The following ZSWIM9 variants were observed in gnomAD, a reference collection of about 807,000 sequenced individuals.
ZSWIM9 encodes the protein zinc finger SWIM-type containing 9.
Under a neutral mutation model 25.0 loss-of-function variants are expected in ZSWIM9, and 11 were observed. That is an observed-to-expected ratio of 0.44 (90% confidence interval 0.28 to 0.73). The LOEUF is 0.73. Among genes scored for constraint, ZSWIM9 ranks in the 30% least tolerant of loss-of-function variants. The pLI is 0.16. For synonymous variants in ZSWIM9, 562 were observed against 582.1 expected (o/e 0.97, Z 0.50); for missense variants, 1,070 against 1,296.5 (o/e 0.83, Z 2.68).
intron 3 of ZSWIM9, among the ~76,000 whole-genome samples, chr19:48,183,423 G>A (rs1393556861): frequency 2.6e-5 from 4 of 151,940 alleles, no homozygotes; most frequent in Admixed American, 6.6e-5. Flanking sequence ...CACCACGCCC[G>A]GCCTGAATTT....
chr19:48,186,386 C>T (rs896252260), intron 3 of ZSWIM9, among the ~76,000 whole-genome samples: 1 of 152,050 alleles, frequency 6.6e-6, no homozygotes, highest in Non-Finnish European at 1.5e-5. Flanking sequence ...CTATAACCTC[C>T]ACCTCCTGGG....
intron 3 of ZSWIM9, chr19:48,187,591 A>ATAATATTATATATATTATATATTATAT (rs1568579931): frequency 2.4e-5 from 1 of 40,896 alleles, no homozygotes; most frequent in Non-Finnish European, 6.0e-5. Context: ...TATATTATAT[A>ATAATATTATATATATTATATATTATAT]ATATAATATT....
chr19:48,197,149 G>T lies in ZSWIM9; in HGVS notation c.*322G>T. 1 of 695,020 alleles carries T rather than the reference G, an allele frequency of 1.4e-6. No individual in the cohort carries two copies. The highest frequency in any genetic ancestry group is 1.5e-5 in the South Asian group (1 of 66,606). 43.1% of individuals were successfully genotyped at this position (695,020 alleles called of 1,614,324 possible). A position where few individuals can be genotyped will look rare whatever the true frequency, so the allele number is the denominator to read the frequency against. ...AGAAGGAAGGAAAGGGGCAGAGCTG[G>T]GGGGAGGGGGAGGAAGCGATCATAT... is the stretch of plus-strand genomic sequence containing the variant. On this transcript the variant is annotated 3_prime_UTR_variant, in exon 4 of 4. Coordinates refer to ENST00000614654, the MANE Select transcript of ZSWIM9 (RefSeq NM_199341.4).
At chr19:48,183,910 G>A (rs1470089480) in intron 3 of ZSWIM9, among the ~76,000 whole-genome samples, 1 of 151,050 alleles carries the variant, frequency 6.6e-6, no homozygotes, top group Non-Finnish European at 1.5e-5. Flanking sequence ...CTCCCAAAGT[G>A]CTGGGATTAC....
intron 3 of ZSWIM9, among the ~76,000 whole-genome samples, chr19:48,185,426 T>C (rs12460905): frequency 0.35 from 53,623 of 152,090 alleles, 9,846 homozygotes; most frequent in East Asian, 0.56. Flanking sequence ...TGAGCCACCG[T>C]GCCCAGCCCC....
At position 48,195,637 on chromosome 19, in the gene ZSWIM9, G is replaced by A. The variant is rs538768431; in HGVS notation, c.1573G>A (p.Gly525Arg). 8 of 1,424,858 alleles carry A rather than the reference G, an allele frequency of 5.6e-6. No individual in the cohort carries two copies. The allele number at this position is 1,424,858 out of a possible 1,614,324, so 88.3% of individuals were successfully genotyped here. A position where few individuals can be genotyped will look rare whatever the true frequency, so the allele number is the denominator to read the frequency against. Reference protein sequence around the residue: ...GRALQIRDWRGGRLENQKPRG... With the variant: ...GRALQIRDWRRGRLENQKPRG... ...GGCACTGCAGATCAGAGATTGGAGA[G>A]GGGGTCGGTTGGAGAATCAGAAGCC... Residue 525 changes from glycine to arginine, a missense_variant, in exon 4 of 4, where the codon GGG becomes AGG. Physicochemically the swap from Gly to Arg is moderately radical, Grantham distance 125 (BLOSUM62 -2). This residue lies in a region of ZSWIM9 where 583 missense variants were observed against 624.7 expected (regional missense o/e 0.93). Coordinates refer to ENST00000614654, the MANE Select transcript of ZSWIM9 (RefSeq NM_199341.4). This position sits in a 1 kb window ranked among gnomAD's most constrained non-coding sequence, Gnocchi z 5.8.
chr19:48,182,608 C>T lies in ZSWIM9; in HGVS notation c.429C>T (p.Asn143=), dbSNP rs768042217. ...TCCGCCCGGGCCACCTGCTGGCCAACGCCTGCCTGCCGGTGCGCACCACCA... is the reference window on the plus strand; with the variant it reads ...TCCGCCCGGGCCACCTGCTGGCCAATGCCTGCCTGCCGGTGCGCACCACCA... ...YYFRPGHLLA[N]ACLPVRTTNK... is the part of the protein sequence containing the mutation. Residue 143 remains asparagine (N), a synonymous_variant, in exon 3 of 4, where the codon AAC becomes AAT. Transcript: ENST00000614654. The surrounding 1 kb of genome is among the most constrained non-coding windows in gnomAD (Gnocchi z 4.6). 167 of 1,535,870 alleles carry T rather than the reference C, an allele frequency of 1.1e-4. No homozygotes were observed. In the Admixed American group the frequency reaches 2.5e-3, roughly 23 times the overall value.
intron 3 of ZSWIM9, among the ~76,000 whole-genome samples, chr19:48,183,287 C>T (rs1172801278): frequency 1.3e-5 from 2 of 151,978 alleles, no homozygotes; most frequent in African/African-American, 2.4e-5. Flanking sequence ...GCCACCACGC[C>T]GGCTAATTTT....
chr19:48,182,784 G>C lies in ZSWIM9; in HGVS notation c.588+17G>C. Reference sequence around the variant, plus strand: ...GAGGCCAAGGTGGGGTCTCGAGAGAGGCAGGCCGGGGGAGGGGGCGGGGGA... The same window carrying C: ...GAGGCCAAGGTGGGGTCTCGAGAGACGCAGGCCGGGGGAGGGGGCGGGGGA... On this transcript the variant is annotated intron_variant, in intron 3 of 3. Transcript: ENST00000614654. The surrounding 1 kb of genome is among the most constrained non-coding windows in gnomAD (Gnocchi z 4.6). The C allele has an allele frequency of 1.3e-6, 2 of 1,510,202 alleles. No individual in the cohort carries two copies. Among genetic ancestry groups the C allele is most frequent in the South Asian group, 2.5e-5 (2 of 81,608 alleles). The allele number at this position is 1,510,202 out of a possible 1,614,324, so 93.6% of individuals were successfully genotyped here. A position where few individuals can be genotyped will look rare whatever the true frequency, so the allele number is the denominator to read the frequency against.
At position 48,195,318 on chromosome 19, in the gene ZSWIM9, C is replaced by T; in HGVS notation, c.1254C>T (p.Ser418=). ...GHRRRLLRRL[S]PSRGVAQCLR... ...GCCGGCGACTGCTGCGTCGTCTCAG[C>T]CCCTCGCGTGGCGTGGCGCAGTGCC... Residue 418 remains serine, a synonymous_variant, in exon 4 of 4, where the codon AGC becomes AGT. Coordinates refer to ENST00000614654, the MANE Select transcript of ZSWIM9 (RefSeq NM_199341.4). This position sits in a 1 kb window ranked among gnomAD's most constrained non-coding sequence, Gnocchi z 5.8. 1 of 1,530,426 alleles carries T rather than the reference C, an allele frequency of 6.5e-7. No homozygotes were observed. Among genetic ancestry groups the T allele is most frequent in the Non-Finnish European group, 8.7e-7 (1 of 1,144,734 alleles). The allele number at this position is 1,530,426 out of a possible 1,614,324, so 94.8% of individuals were successfully genotyped here.
chr19:48,194,635 C>A lies in ZSWIM9; in HGVS notation c.589-18C>A. 7.0e-7 allele frequency: 1 copy of A among 1,418,566 alleles called. No individual in the cohort carries two copies. The allele number at this position is 1,418,566 out of a possible 1,614,324, so 87.9% of individuals were successfully genotyped here. Reference sequence around the variant, plus strand: ...CATCCTCTGACCTCTTTCCTTGCCTCCCTGCCCCCGCCCGCAGGTGAAGCT... The same window carrying A: ...CATCCTCTGACCTCTTTCCTTGCCTACCTGCCCCCGCCCGCAGGTGAAGCT... On this transcript the variant is annotated intron_variant, in intron 3 of 3. Coordinates refer to ENST00000614654, the MANE Select transcript of ZSWIM9 (RefSeq NM_199341.4). The surrounding 1 kb of genome is among the most constrained non-coding windows in gnomAD (Gnocchi z 6.0).
At position 48,194,033 on chromosome 19, in the gene ZSWIM9, G is replaced by A. The variant is rs1163955082; in HGVS notation, c.589-620G>A. On this transcript the variant is annotated intron_variant, in intron 3 of 3. Coordinates refer to ENST00000614654, the MANE Select transcript of ZSWIM9 (RefSeq NM_199341.4). The surrounding 1 kb of genome is among the most constrained non-coding windows in gnomAD (Gnocchi z 6.0). ...ATCAGGGAATATGGAGGTTAAGGAG[G>A]CAACTGAGGCACAGAGAGGTTAAAT... Among the ~76,000 whole-genome samples, 1 of 152,170 alleles carries A rather than the reference G, an allele frequency of 6.6e-6. No individual in the cohort carries two copies. The highest frequency in any genetic ancestry group is 1.5e-5 in the Non-Finnish European group (1 of 68,014).
intron 3 of ZSWIM9, among the ~76,000 whole-genome samples, chr19:48,185,974 A>G (rs1429194676): frequency 6.6e-6 from 1 of 152,190 alleles, no homozygotes; most frequent in Non-Finnish European, 1.5e-5. Flanking sequence ...TAACAGAGTG[A>G]CACTCTTGTC....
chr19:48,185,348 T>C (rs2123296453), intron 3 of ZSWIM9, among the ~76,000 whole-genome samples: 1 of 152,248 alleles, frequency 6.6e-6, no homozygotes, highest in South Asian at 2.1e-4. Context: ...TTGGTCAGGC[T>C]GGTCTTGAAC....
intron 3 of ZSWIM9, among the ~76,000 whole-genome samples, chr19:48,189,040 G>T (rs932740984): frequency 6.6e-6 from 1 of 151,288 alleles, no homozygotes; most frequent in Admixed American, 6.6e-5. Context: ...CAAAAAAAAA[G>T]AATACTCCAT....
chr19:48,191,913 C>G (rs2037098455), intron 3 of ZSWIM9: 1 of 154,740 alleles, frequency 6.5e-6, no homozygotes, highest in African/African-American at 2.4e-5. Flanking sequence ...TCCCAGCTCA[C>G]CTGGTATTGC....
In ZSWIM9 at chr19:48,197,462, T is replaced by C; in HGVS notation, c.*635T>C. 1.7e-6 allele frequency: 1 copy of C among 596,180 alleles called. No homozygotes were observed. Among genetic ancestry groups the C allele is most frequent in the South Asian group, 2.0e-5 (1 of 49,208 alleles). 36.9% of individuals were successfully genotyped at this position (596,180 alleles called of 1,614,324 possible). A position where few individuals can be genotyped will look rare whatever the true frequency, so the allele number is the denominator to read the frequency against. Reference sequence around the variant, plus strand: ...GGGTAGAGACGAAATGCAAGGGGCGTGGTTTTGGTTTTTCTCCAAGACCTG... The same window carrying C: ...GGGTAGAGACGAAATGCAAGGGGCGCGGTTTTGGTTTTTCTCCAAGACCTG... On this transcript the variant is annotated 3_prime_UTR_variant, in exon 4 of 4. Transcript: ENST00000614654.
In ZSWIM9 at chr19:48,194,205, C is replaced by T. The variant is rs779257371; in HGVS notation, c.589-448C>T. On this transcript the variant is annotated intron_variant, in intron 3 of 3. Transcript: ENST00000614654. This position sits in a 1 kb window ranked among gnomAD's most constrained non-coding sequence, Gnocchi z 6.0. Reference sequence around the variant, plus strand: ...TCAAACTAGATTGCTGGGGCCCGCCCCCAGAGTTTCAGACTCAGTGGGTCT... The same window carrying T: ...TCAAACTAGATTGCTGGGGCCCGCCTCCAGAGTTTCAGACTCAGTGGGTCT... Among the ~76,000 whole-genome samples the T allele has an allele frequency of 3.3e-5, 5 of 152,146 alleles. No individual in the cohort carries two copies. Among genetic ancestry groups the T allele is most frequent in the African/African-American group, 4.8e-5 (2 of 41,430 alleles).
At position 48,171,746 on chromosome 19, in the gene ZSWIM9, G is replaced by T; in HGVS notation, c.-9-48G>T. 3 of 1,473,078 alleles carry T rather than the reference G, an allele frequency of 2.0e-6. No individual in the cohort carries two copies. The South Asian group carries it at 4.0e-5, about 19-fold the overall frequency. The allele number at this position is 1,473,078 out of a possible 1,614,324, so 91.3% of individuals were successfully genotyped here. ...AAGAATGGAGTAGATGAGATACCCC[G>T]GGTGGGAATGGGTCTGATATCCACC... On this transcript the variant is annotated intron_variant, in intron 1 of 3. Coordinates refer to ENST00000614654, the MANE Select transcript of ZSWIM9 (RefSeq NM_199341.4).
Sources: gnomAD v4.1 joint callset for allele counts (sites outside exome capture counted in the v4.1 genomes callset) on GRCh38, gnomAD v4.1.1 for gene constraint, gnomAD v4.1.1 regional missense constraint, Gnocchi (gnomAD v3.1) non-coding constraint, MANE v1.5 for transcripts, NCBI Gene and HGNC (gene_info 2026-07-23, HGNC 2026-07-21) for gene names.